VIPR2: variants seen among roughly 807,000 people sequenced by gnomAD.
VIPR2 encodes the protein vasoactive intestinal polypeptide receptor 2.
In VIPR2, 48 loss-of-function variants were observed where a neutral mutation model predicts 58.0. The ratio of observed to expected loss-of-function variants is 0.83; its 90% CI spans 0.66 to 1.05. VIPR2 has a LOEUF of 1.05. Among genes scored for constraint, VIPR2 ranks in the 50% least tolerant of loss-of-function variants. VIPR2 has a pLI of 0.00. For synonymous variants in VIPR2, 243 were observed against 235.2 expected (o/e 1.03, Z -0.30); for missense variants, 534 against 558.0 (o/e 0.96, Z 0.43).
chr7:159,119,195 C>G (rs1194852634), intron 2 of VIPR2, among the ~76,000 whole-genome samples: 1 of 152,186 alleles, frequency 6.6e-6, no homozygotes, highest in Non-Finnish European at 1.5e-5. Flanking sequence ...CCCGGGTGGA[C>G]ACAGGAGATA....
chr7:159,136,555 A>G (rs1408165253), intron 2 of VIPR2, among the ~76,000 whole-genome samples: 1 of 151,998 alleles, frequency 6.6e-6, no homozygotes, highest in Non-Finnish European at 1.5e-5. Context: ...GCTGCCCCGG[A>G]AGAAGCTGAG....
chr7:159,129,870 C>T (rs535057163), intron 2 of VIPR2, among the ~76,000 whole-genome samples: 2 of 88,138 alleles, frequency 2.3e-5, no homozygotes, highest in South Asian at 3.7e-4. Context: ...ACCAGCTTCA[C>T]ACTCTGTTCC....
chr7:159,090,173 C>T (rs1315313561), intron 4 of VIPR2, among the ~76,000 whole-genome samples: 8 of 141,670 alleles, frequency 5.6e-5, no homozygotes, highest in South Asian at 2.4e-4. Flanking sequence ...CTCTTATGAC[C>T]ATCACAATCC....
At chr7:159,103,902 G>C in intron 3 of VIPR2, 48 bp from the exon 4 acceptor site, 1 of 1,523,038 alleles carries the variant, frequency 6.6e-7, no homozygotes, top group East Asian at 2.3e-5. Context: ...ATGAAAACTG[G>C]CCTTAGAAGG....
chr7:159,046,423 C>G (rs982027476), intron 5 of VIPR2, among the ~76,000 whole-genome samples: 5 of 152,198 alleles, frequency 3.3e-5, no homozygotes, highest in Non-Finnish European at 5.9e-5. Flanking sequence ...AACTTGAAAA[C>G]ATTATGCTAA....
At position 159,057,293 on chromosome 7, in the gene VIPR2, G is replaced by T. The variant is rs116443108; in HGVS notation, c.455+1188C>A. On this transcript the variant is annotated intron_variant, in intron 5 of 12. Coordinates refer to ENST00000262178, the MANE Select transcript of VIPR2 (RefSeq NM_003382.5). ...TACTCTATAAAATATAAGTATAATA[G>T]AACAAATATTAATATTGTACCAGAT... Among the ~76,000 whole-genome samples, 519 of 152,056 alleles carry T rather than the reference G, an allele frequency of 3.4e-3. 3 individuals carry two copies. The highest frequency in any genetic ancestry group is 0.012 in the African/African-American group (491 of 41,432).
Position 159,032,083 on chromosome 7 carries a change from T to G in VIPR2, c.972-16A>C. ...GGCCAGCCTCCTGCACAGAAGGAGA[T>G]GAGCCAGCTCAGCTGCTGGACCCTC... On this transcript the variant is annotated splice_polypyrimidine_tract_variant and intron_variant, in intron 10 of 12. Coordinates refer to ENST00000262178, the MANE Select transcript of VIPR2 (RefSeq NM_003382.5). 5.0e-6 allele frequency: 8 copies of G among 1,613,652 alleles called. No homozygotes were observed. Among genetic ancestry groups the G allele is most frequent in the Non-Finnish European group, 6.8e-6 (8 of 1,179,964 alleles).
rs971496965 is a variant in VIPR2, at chr7:159,030,797, G to A, written c.1144-8C>T. ...CTTCAGCTCGCACTGCACCTGGGAG[G>A]TGAGGGCAGCGGGAACGCCCGTGAG... is the stretch of plus-strand genomic sequence containing the variant. On this transcript the variant is annotated splice_polypyrimidine_tract_variant and splice_region_variant and intron_variant, in intron 12 of 12. Transcript: ENST00000262178. The A allele has an allele frequency of 1.2e-5, 19 of 1,566,628 alleles. No homozygotes were observed. The highest frequency in any genetic ancestry group is 1.6e-5 in the Non-Finnish European group (18 of 1,154,352).
chr7:159,126,933 G>A (rs1363530307), intron 2 of VIPR2, among the ~76,000 whole-genome samples: 1 of 152,220 alleles, frequency 6.6e-6, no homozygotes, highest in East Asian at 1.9e-4. Context: ...TTGCCAGAAA[G>A]GACAGCAAAG....
chr7:159,115,038 C>A (rs781383095), intron 2 of VIPR2, among the ~76,000 whole-genome samples: 20 of 152,032 alleles, frequency 1.3e-4, no homozygotes, highest in Non-Finnish European at 2.4e-4. Flanking sequence ...GAGAAAAAAC[C>A]CTAGAACTGT....
intron 5 of VIPR2, among the ~76,000 whole-genome samples, chr7:159,050,758 A>C (rs2129493726): frequency 6.6e-6 from 1 of 150,944 alleles, no homozygotes; most frequent in Non-Finnish European, 1.5e-5. Context: ...AACTGACAAA[A>C]GACAGTAACA....
At chr7:159,132,750 T>C (rs552070847) in intron 2 of VIPR2, among the ~76,000 whole-genome samples, 38 of 150,210 alleles carry the variant, frequency 2.5e-4, no homozygotes, top group African/African-American at 9.4e-4. Flanking sequence ...TATTTTTTGA[T>C]TGGCATACAG....
intron 4 of VIPR2, among the ~76,000 whole-genome samples, chr7:159,075,699 C>G (rs117482622): frequency 0.023 from 3,463 of 150,394 alleles, 86 homozygotes; most frequent in Admixed American, 0.049. Context: ...CACCACAGAC[C>G]TACTGCATCA....
chr7:159,058,062 C>T (rs1855422617), intron 5 of VIPR2, among the ~76,000 whole-genome samples: 1 of 152,190 alleles, frequency 6.6e-6, no homozygotes. Context: ...CACACAGCTG[C>T]TAAGAGACTG....
Position 159,096,876 on chromosome 7 carries a change from C to T in VIPR2, c.357+6881G>A. On this transcript the variant is annotated intron_variant, in intron 4 of 12. Coordinates refer to ENST00000262178, the MANE Select transcript of VIPR2 (RefSeq NM_003382.5). The surrounding 1 kb of genome is among the most constrained non-coding windows in gnomAD (Gnocchi z 5.5). ...CGTACTGTGTCCATGGCTGAGACCACCCTCTCTGTGGCCGCCTTGCTGTCC... is the reference window on the plus strand; with the variant it reads ...CGTACTGTGTCCATGGCTGAGACCATCCTCTCTGTGGCCGCCTTGCTGTCC... The T allele has an allele frequency of 6.5e-7, 1 of 1,548,080 alleles. No individual in the cohort carries two copies. Among genetic ancestry groups the T allele is most frequent in the Non-Finnish European group, 8.7e-7 (1 of 1,145,720 alleles).
chr7:159,034,480 G>C, intron 9 of VIPR2, 101 bp downstream of exon 9: 1 of 1,354,890 alleles, frequency 7.4e-7, no homozygotes, highest in Non-Finnish European at 1.1e-6. Context: ...TGAGTGATGC[G>C]TGGAATGGGG....
intron 6 of VIPR2, among the ~76,000 whole-genome samples, chr7:159,040,450 C>G (rs1052340560): frequency 5.3e-5 from 8 of 152,226 alleles, no homozygotes; most frequent in African/African-American, 1.9e-4. Context: ...ACAGACCCCG[C>G]AGGGGAACCT....
chr7:159,033,796 G>GA (rs1224783944), intron 10 of VIPR2, among the ~76,000 whole-genome samples: 13 of 152,156 alleles, frequency 8.5e-5, no homozygotes, highest in African/African-American at 3.1e-4. Flanking sequence ...TGGTCAAGGA[G>GA]AAAAAGACAG....
chr7:159,074,808 T>C (rs1343661438), intron 4 of VIPR2, among the ~76,000 whole-genome samples: 1 of 152,028 alleles, frequency 6.6e-6, no homozygotes, highest in African/African-American at 2.4e-5. Flanking sequence ...GTCAACACAG[T>C]GAGACTCTGT....
Sources: allele counts gnomAD v4.1 joint callset (sites outside exome capture counted in the v4.1 genomes callset), GRCh38; gene constraint gnomAD v4.1.1; non-coding constraint Gnocchi (gnomAD v3.1); transcripts MANE v1.5; gene names NCBI Gene and HGNC (gene_info 2026-07-23, HGNC 2026-07-21).